KAZN: variants seen among roughly 807,000 people sequenced by gnomAD.
KAZN encodes the protein kazrin.
KAZN carries 40 observed loss-of-function variants against 87.4 expected under a neutral mutation model. The observed-to-expected ratio is 0.46, with a 90% CI of 0.36 to 0.60. The LOEUF (loss-of-function observed/expected upper bound fraction) is 0.60. KAZN is among the 20% of genes least tolerant of loss of function. The pLI is 0.00. For synonymous variants in KAZN, 466 were observed against 458.3 expected (o/e 1.02, Z -0.22); for missense variants, 898 against 1,073.9 (o/e 0.84, Z 2.29).
intron 1 of KAZN, among the ~76,000 whole-genome samples, chr1:14,873,286 A>C (rs757665550): frequency 1.2e-4 from 18 of 152,376 alleles, no homozygotes; most frequent in Middle Eastern, 3.4e-3. Context: ...TGCTTTCAGA[A>C]AGACTGTATT....
chr1:13,901,711 C>T (rs1046268238), intron 1 of KAZN, among the ~76,000 whole-genome samples: 5 of 152,216 alleles, frequency 3.3e-5, no homozygotes, highest in African/African-American at 1.2e-4. Flanking sequence ...CCGGCATCAG[C>T]GATACTCTTA....
At chr1:14,997,245 A>G (rs1356668045) in intron 2 of KAZN, among the ~76,000 whole-genome samples, 2 of 140,300 alleles carry the variant, frequency 1.4e-5, no homozygotes, top group African/African-American at 2.8e-5. Context: ...TTATTTATTT[A>G]TTTATTTATT....
At chr1:14,470,807 C>T (rs1668415730) in intron 2 of KAZN, among the ~76,000 whole-genome samples, 1 of 152,198 alleles carries the variant, frequency 6.6e-6, no homozygotes, top group Admixed American at 6.5e-5. Context: ...ACCCCTGCTC[C>T]CATGACTCTC....
At position 13,907,495 on chromosome 1, in the gene KAZN, CTG is replaced by C. The variant is rs150233453; in HGVS notation, c.91+13753_91+13754del. 4.4e-3 allele frequency among the ~76,000 whole-genome samples: 603 copies of C among 137,534 alleles called. 5 individuals are homozygous for C. Among genetic ancestry groups the C allele is most frequent in the African/African-American group, 0.015 (577 of 37,562 alleles). The allele number at this position is 137,534 out of a possible 152,430, so 90.2% of individuals were successfully genotyped here. ...AGGCCTTTGAGGGGTGTGTATGAGG[CTG>C]TGTGTGTGTGTGTTGGGTGGGTGGG... is the stretch of plus-strand genomic sequence containing the variant. On this transcript the variant is annotated intron_variant, in intron 1 of 16. Transcript: ENST00000636203.
chr1:13,953,182 C>G (rs1382006518), intron 1 of KAZN, among the ~76,000 whole-genome samples: 1 of 152,112 alleles, frequency 6.6e-6, no homozygotes, highest in African/African-American at 2.4e-5. Context: ...TATCTCTCCT[C>G]TCACCCCTTA....
chr1:14,666,368 G>T (rs1339654777), intron 1 of KAZN, among the ~76,000 whole-genome samples: 1 of 152,134 alleles, frequency 6.6e-6, no homozygotes, highest in African/African-American at 2.4e-5. Flanking sequence ...ACTTGCATTT[G>T]CTTGTCTATA....
chr1:14,119,580 A>G (rs544915869), intron 1 of KAZN, among the ~76,000 whole-genome samples: 2 of 152,264 alleles, frequency 1.3e-5, no homozygotes, highest in African/African-American at 4.8e-5. Context: ...AAACTCAGCC[A>G]TCTTTTTAAT....
chr1:15,039,549 A>G (rs576956805), intron 3 of KAZN, among the ~76,000 whole-genome samples: 1 of 152,196 alleles, frequency 6.6e-6, no homozygotes, highest in Non-Finnish European at 1.5e-5. Context: ...ATTTCATACC[A>G]GTGCTTCTCT....
At chr1:14,800,279 T>G (rs1645967534) in intron 1 of KAZN, among the ~76,000 whole-genome samples, 1 of 152,232 alleles carries the variant, frequency 6.6e-6, no homozygotes. Context: ...CAAACACTCC[T>G]ATGAGCGTTC....
rs1458876466 is a variant in KAZN at position 13,951,948 on chromosome 1, G to A, written c.91+58192G>A. ...AGCTGTGCTATTTATTATCAGTTGG[G>A]TAGTTTTAGTAACAGTTTCCCAGGG... On this transcript the variant is annotated intron_variant, in intron 1 of 16. Coordinates refer to the KAZN transcript ENST00000636203. 4.6e-5 allele frequency among the ~76,000 whole-genome samples: 7 copies of A among 152,276 alleles called. No homozygotes were observed. In the East Asian group the frequency reaches 1.4e-3, roughly 29 times the overall value.
At chr1:14,472,482 G>C (rs1270445454) in intron 2 of KAZN, among the ~76,000 whole-genome samples, 2 of 152,140 alleles carry the variant, frequency 1.3e-5, no homozygotes, top group African/African-American at 4.8e-5. Flanking sequence ...TTTGCCCAAG[G>C]AATGGAACAG....
chr1:14,762,940 CT>C (rs1644783355), intron 1 of KAZN, among the ~76,000 whole-genome samples: 1 of 152,130 alleles, frequency 6.6e-6, no homozygotes, highest in Non-Finnish European at 1.5e-5. Flanking sequence ...TGTAACAAGT[CT>C]TTTGTGAACT....
At chr1:14,557,625 TGTGG>T (rs771580529) in intron 2 of KAZN, among the ~76,000 whole-genome samples, 1,525 of 85,046 alleles carry the variant, frequency 0.018, 11 homozygotes, top group Middle Eastern at 0.044. Context: ...ATAGGGTGTG[TGTGG>T]GTGTGTGTGT....
chr1:14,362,335 C>T (rs1163856479), intron 2 of KAZN, among the ~76,000 whole-genome samples: 12 of 152,218 alleles, frequency 7.9e-5, no homozygotes, highest in Non-Finnish European at 1.5e-4. Context: ...TTTTGTGATA[C>T]GGCCTTCTTC....
At chr1:14,544,730 T>C (rs1012275083) in intron 2 of KAZN, among the ~76,000 whole-genome samples, 4 of 150,128 alleles carry the variant, frequency 2.7e-5, no homozygotes, top group African/African-American at 5.0e-5. Context: ...TCCCTTGGCT[T>C]CTTTATTTAA....
At chr1:15,090,372 C>T (rs1171497722) in intron 8 of KAZN, among the ~76,000 whole-genome samples, 1 of 152,260 alleles carries the variant, frequency 6.6e-6, no homozygotes, top group Non-Finnish European at 1.5e-5. Context: ...TCAGCTCTTT[C>T]CCATCCAGGA....
At chr1:14,326,666 T>C (rs893037839) in intron 2 of KAZN, among the ~76,000 whole-genome samples, 3 of 152,166 alleles carry the variant, frequency 2.0e-5, no homozygotes, top group Admixed American at 2.0e-4. Flanking sequence ...TCTCTCCTCT[T>C]TCCACTCCCT....
rs548848208 is a variant in KAZN, at chr1:14,235,883, T to G, written c.249+55291T>G. On this transcript the variant is annotated intron_variant, in intron 2 of 16. Coordinates refer to the KAZN transcript ENST00000636203. ...CTTTTTGAGCAACTCTCCACGGTCT[T>G]GTACAGGCACAGGAGCAGCTTTTTG... is the stretch of plus-strand genomic sequence containing the variant. Among the ~76,000 whole-genome samples the G allele has an allele frequency of 3.0e-3, 454 of 152,272 alleles. 1 individual carries two copies. The highest frequency in any genetic ancestry group is 0.011 in the African/African-American group (440 of 41,536).
intron 2 of KAZN, among the ~76,000 whole-genome samples, chr1:14,407,973 T>C (rs146126402): frequency 1.2e-4 from 19 of 152,350 alleles, no homozygotes; most frequent in Non-Finnish European, 2.2e-4. Context: ...CACACACCTC[T>C]CAATTCAATT....
Sources: gnomAD v4.1 joint callset for allele counts (sites outside exome capture counted in the v4.1 genomes callset) on GRCh38, gnomAD v4.1.1 for gene constraint, MANE v1.5 for transcripts, NCBI Gene and HGNC (gene_info 2026-07-23, HGNC 2026-07-21) for gene names.